MAGI2: variants seen among roughly 807,000 people sequenced by gnomAD.
MAGI2 encodes the protein membrane associated guanylate kinase, WW and PDZ domain containing 2.
A neutral mutation model predicts 133.3 loss-of-function variants in MAGI2; 35 were observed. The ratio of observed to expected loss-of-function variants is 0.26; its 90% CI spans 0.20 to 0.35. The LOEUF is 0.35. Among genes scored for constraint, MAGI2 ranks in the 10% least tolerant of loss-of-function variants. MAGI2 has a pLI of 1.00. For missense variants in MAGI2, 1,636 were observed against 1,863.4 expected, an observed-to-expected ratio of 0.88 and a Z score of 2.25; for synonymous variants, 729 against 710.6, an observed-to-expected ratio of 1.03 and a Z score of -0.41.
At chr7:78,132,784 T>G in intron 18 of MAGI2, 105 bp downstream of exon 18, 1 of 1,535,572 alleles carries the variant, frequency 6.5e-7, no homozygotes, top group Non-Finnish European at 8.9e-7. Flanking sequence ...CGATTTCTAC[T>G]TTATAAAAGT....
chr7:79,028,859 T>C (rs12540925), intron 1 of MAGI2, among the ~76,000 whole-genome samples: 86,103 of 151,892 alleles, frequency 0.57, 24,655 homozygotes, highest in East Asian at 0.63. Context: ...ATGAAAGGGG[T>C]TTTTTTATAA....
intron 1 of MAGI2, among the ~76,000 whole-genome samples, chr7:79,312,928 G>A (rs1365269985): frequency 6.6e-6 from 1 of 152,108 alleles, no homozygotes; most frequent in Non-Finnish European, 1.5e-5. Flanking sequence ...CCTTTAGCTT[G>A]TATGCAACAC....
intron 2 of MAGI2, among the ~76,000 whole-genome samples, chr7:78,765,120 G>A (rs1319070707): frequency 1.3e-5 from 2 of 152,098 alleles, no homozygotes; most frequent in African/African-American, 4.8e-5. Context: ...TATTGTAATA[G>A]CAAGCACTCA....
rs533111616 is a variant in MAGI2 at position 78,079,568 on chromosome 7, A to G, written c.3568-483T>C. On this transcript the variant is annotated intron_variant, in intron 20 of 21. Coordinates refer to ENST00000354212, the MANE Select transcript of MAGI2 (RefSeq NM_012301.4). The stretch of plus-strand genomic sequence containing the variant: ...GCTTCTCTGAGAATTTTTTGTATGT[A>G]TCATTTAAATTTCCCTGGGTGCTGT... Among the ~76,000 whole-genome samples the G allele has an allele frequency of 2.2e-4, 34 of 152,296 alleles. No individual in the cohort carries two copies. The East Asian group carries it at 5.2e-3, about 23-fold the overall frequency.
intron 2 of MAGI2, among the ~76,000 whole-genome samples, chr7:78,907,262 A>G (rs11973067): frequency 0.49 from 73,920 of 151,972 alleles, 18,735 homozygotes; most frequent in East Asian, 0.8. Context: ...ATCTTTGGTC[A>G]GATTCCTTAA....
At chr7:79,102,558 A>T (rs1482106062) in intron 1 of MAGI2, among the ~76,000 whole-genome samples, 1 of 152,228 alleles carries the variant, frequency 6.6e-6, no homozygotes, top group East Asian at 1.9e-4. Flanking sequence ...AAATCATGTT[A>T]AATTTATTAG....
At chr7:78,487,007 G>T in intron 6 of MAGI2, 1 of 521,458 alleles carries the variant, frequency 1.9e-6, no homozygotes. Context: ...GGGTATTCCA[G>T]CACAAAGAGA....
intron 21 of MAGI2, chr7:78,078,517 C>T (rs2051854): frequency 4.8e-6 from 1 of 207,852 alleles, no homozygotes; most frequent in Admixed American, 5.8e-5. Context: ...TGTTGCTTGT[C>T]TCTGGCCCCA....
At chr7:79,426,165 C>T (rs1047817840) in intron 1 of MAGI2, among the ~76,000 whole-genome samples, 2 of 152,142 alleles carry the variant, frequency 1.3e-5, no homozygotes, top group Non-Finnish European at 2.9e-5. Flanking sequence ...AACCTAACCA[C>T]AATCTCAGAA....
At chr7:79,387,094 T>TTGTGTGTGTGTGTGTGTGTGTGTGTG (rs3050633) in intron 1 of MAGI2, among the ~76,000 whole-genome samples, 11 of 141,504 alleles carry the variant, frequency 7.8e-5, no homozygotes, top group African/African-American at 2.9e-4. Context: ...ATTTTTATGC[T>TTGTGTGTGTGTGTGTGTGTGTGTGTG]TGTGTGTGTG....
intron 1 of MAGI2, among the ~76,000 whole-genome samples, chr7:79,053,480 T>C (rs751838002): frequency 6.6e-6 from 1 of 152,156 alleles, no homozygotes; most frequent in Non-Finnish European, 1.5e-5. Context: ...CCACTGTCCA[T>C]GTCACTAGTA....
At chr7:78,274,966 C>G (rs1794920271) in intron 9 of MAGI2, among the ~76,000 whole-genome samples, 1 of 151,588 alleles carries the variant, frequency 6.6e-6, no homozygotes, top group South Asian at 2.1e-4. Context: ...TTCTGTCTTG[C>G]TGGTGTTCCA....
chr7:78,236,902 A>G (rs1033838701), intron 10 of MAGI2, among the ~76,000 whole-genome samples: 1 of 152,302 alleles, frequency 6.6e-6, no homozygotes, highest in Admixed American at 6.5e-5. Flanking sequence ...CATGTCTTAC[A>G]TGGCAATAGG....
intron 1 of MAGI2, among the ~76,000 whole-genome samples, chr7:79,268,309 C>T (rs999857971): frequency 2.0e-5 from 3 of 152,142 alleles, no homozygotes; most frequent in Admixed American, 1.3e-4. Flanking sequence ...ATAATACTGA[C>T]AACTCAGATT....
At chr7:79,270,532 C>T (rs978494381) in intron 1 of MAGI2, among the ~76,000 whole-genome samples, 1 of 152,110 alleles carries the variant, frequency 6.6e-6, no homozygotes, top group South Asian at 2.1e-4. Flanking sequence ...ATTGACTACC[C>T]ACTTCCTTTT....
intron 1 of MAGI2, among the ~76,000 whole-genome samples, chr7:79,144,589 C>T (rs1320684029): frequency 1.3e-5 from 2 of 152,160 alleles, no homozygotes; most frequent in African/African-American, 4.8e-5. Flanking sequence ...TACCCAGTTT[C>T]AGCTATTTCT....
chr7:78,600,468 T>G lies in MAGI2; in HGVS notation c.538+26652A>C, dbSNP rs78403687. The stretch of plus-strand genomic sequence containing the variant: ...ACAAAAAATGATTAACAGATTGAAG[T>G]AAGAAGGGGAAAAATAACTTATAAA... On this transcript the variant is annotated intron_variant, in intron 3 of 21. Coordinates refer to ENST00000354212, the MANE Select transcript of MAGI2 (RefSeq NM_012301.4). 5.7e-3 allele frequency among the ~76,000 whole-genome samples: 861 copies of G among 152,164 alleles called. 9 individuals are homozygous for G. The highest frequency in any genetic ancestry group is 0.018 in the African/African-American group (763 of 41,522).
intron 1 of MAGI2, among the ~76,000 whole-genome samples, chr7:79,148,665 G>A (rs1199089957): frequency 6.6e-6 from 1 of 151,794 alleles, no homozygotes; most frequent in Non-Finnish European, 1.5e-5. Context: ...TTGTGCTTGA[G>A]GTCTCTCTCA....
At chr7:78,278,297 G>T (rs1437563534) in intron 9 of MAGI2, among the ~76,000 whole-genome samples, 1 of 152,158 alleles carries the variant, frequency 6.6e-6, no homozygotes, top group Non-Finnish European at 1.5e-5. Context: ...AGGTTTGGGA[G>T]TAGAAGACAA....
Sources: gnomAD v4.1 joint callset for allele counts (sites outside exome capture counted in the v4.1 genomes callset) on GRCh38, gnomAD v4.1.1 for gene constraint, MANE v1.5 for transcripts, NCBI Gene and HGNC (gene_info 2026-07-23, HGNC 2026-07-21) for gene names.